Variants in EDNRB observed in about 807,000 individuals in gnomAD.
EDNRB encodes the protein Hirschsprung disease 2.
In EDNRB, 18 loss-of-function variants were observed where a neutral mutation model predicts 46.4. The observed-to-expected ratio is 0.39, with a 90% CI of 0.27 to 0.57. EDNRB has a LOEUF of 0.57. Ranked by LOEUF, EDNRB falls within the 20% of genes least tolerant of loss-of-function variation. The probability of loss-of-function intolerance (pLI) is 0.61; values close to 1 mark genes in which losing one functional copy is unlikely to be tolerated. For missense variants in EDNRB, 434 were observed against 537.5 expected (o/e 0.81, Z 1.90); for synonymous variants, 213 against 204.9 (o/e 1.04, Z -0.34).
chr13:77,908,764 C>T (rs556400507), intron 1 of EDNRB, among the ~76,000 whole-genome samples: 12 of 152,014 alleles, frequency 7.9e-5, no homozygotes, highest in Admixed American at 2.0e-4. Context: ...ACAATTCAAA[C>T]ATGTAATCAA....
At chr13:77,938,526 G>C (rs183040238) in intron 1 of EDNRB, among the ~76,000 whole-genome samples, 1 of 152,086 alleles carries the variant, frequency 6.6e-6, no homozygotes, top group East Asian at 1.9e-4. Flanking sequence ...GGTACTTGCC[G>C]CTAAGGGTGA....
intron 1 of EDNRB, among the ~76,000 whole-genome samples, chr13:77,925,233 A>G (rs536953885): frequency 1.9e-4 from 29 of 152,366 alleles, no homozygotes; most frequent in African/African-American, 6.7e-4. Flanking sequence ...AGGCTAAATT[A>G]TATTATTTTT....
chr13:77,930,418 T>G (rs144020378), intron 1 of EDNRB, among the ~76,000 whole-genome samples: 14 of 152,354 alleles, frequency 9.2e-5, no homozygotes, highest in African/African-American at 2.9e-4. Context: ...GGATAAGTGG[T>G]CTGTGATAGT....
chr13:77,898,635 A>T (rs948254907), intron 6 of EDNRB, among the ~76,000 whole-genome samples: 1 of 152,010 alleles, frequency 6.6e-6, no homozygotes, highest in Non-Finnish European at 1.5e-5. Context: ...CATATAATTC[A>T]AGACTTTTCC....
chr13:77,974,635 TG>T (rs1881832771), intron 1 of EDNRB, among the ~76,000 whole-genome samples: 1 of 132,950 alleles, frequency 7.5e-6, no homozygotes, highest in Admixed American at 7.7e-5. Context: ...TCTCTCTCTC[TG>T]CCTCTGCCAG....
chr13:77,905,209 G>C (rs977703624), intron 1 of EDNRB, among the ~76,000 whole-genome samples: 1 of 151,838 alleles, frequency 6.6e-6, no homozygotes, highest in East Asian at 1.9e-4. Flanking sequence ...GGGGTCTGGG[G>C]TAAACTTTGT....
chr13:77,900,560 A>G lies in EDNRB; in HGVS notation c.1046T>C (p.Leu349Pro). Reference sequence around the variant, plus strand: ...TCTATTGGGATCATTCTGATTATAAAGAGTGAGCTTCAGAATCCTGCTGAG... The same window carrying G: ...TCTATTGGGATCATTCTGATTATAAGGAGTGAGCTTCAGAATCCTGCTGAG... ...LHLSRILKLT[L>P]YNQNDPNRCE... The change falls in exon 5 of 7, where the codon CTT (leucine) becomes CCT (proline). Residue 349 changes from leucine to proline, a missense_variant. By Grantham distance (98) the Leu-to-Pro change is moderately conservative. Coordinates refer to ENST00000646607, the MANE Select transcript of EDNRB (RefSeq NM_001122659.3). The G allele has an allele frequency of 1.9e-6, 3 of 1,612,624 alleles. No individual in the cohort carries two copies. Among genetic ancestry groups the G allele is most frequent in the Non-Finnish European group, 2.5e-6 (3 of 1,179,096 alleles).
chr13:77,939,448 T>A (rs1880670936), intron 1 of EDNRB: 1 of 152,250 alleles, frequency 6.6e-6, no homozygotes, highest in African/African-American at 2.4e-5. Flanking sequence ...TTCTCTAATT[T>A]GAGTTTTAGT....
At chr13:77,968,669 G>C (rs1369470089) in intron 1 of EDNRB, among the ~76,000 whole-genome samples, 1 of 152,122 alleles carries the variant, frequency 6.6e-6, no homozygotes, top group Non-Finnish European at 1.5e-5. Flanking sequence ...CTACGGATGA[G>C]GGGTAGGTAA....
At chr13:77,953,409 C>T (rs1031582833) in intron 1 of EDNRB, among the ~76,000 whole-genome samples, 11 of 150,930 alleles carry the variant, frequency 7.3e-5, no homozygotes, top group Non-Finnish European at 1.3e-4. Flanking sequence ...TATTTGAAAT[C>T]GAAAAATAAA....
intron 1 of EDNRB, among the ~76,000 whole-genome samples, chr13:77,937,084 G>A (rs548157914): frequency 7.2e-5 from 11 of 152,280 alleles, no homozygotes; most frequent in South Asian, 2.1e-4. Context: ...AGAATAAGGC[G>A]GCCTTCTGGC....
Position 77,901,214 on chromosome 13 carries a change from G to A in EDNRB, c.802-7C>T, listed in dbSNP as rs760242225. ...CTTTTGCTGTCTTGTAAAACTATAG[G>A]GATGAGAGAATTTTTACGATTAATA... On this transcript the variant is annotated splice_region_variant and splice_polypyrimidine_tract_variant and intron_variant, in intron 3 of 6. Coordinates refer to ENST00000646607, the MANE Select transcript of EDNRB (RefSeq NM_001122659.3). 2 of 1,609,360 alleles carry A rather than the reference G, an allele frequency of 1.2e-6. No homozygotes were observed. Among genetic ancestry groups the A allele is most frequent in the African/African-American group, 1.3e-5 (1 of 74,616 alleles).
chr13:77,967,739 C>T (rs1881620903), intron 1 of EDNRB, among the ~76,000 whole-genome samples: 1 of 152,186 alleles, frequency 6.6e-6, no homozygotes, highest in African/African-American at 2.4e-5. Flanking sequence ...TATCAGTTGA[C>T]ACACTTTGTT....
At chr13:77,940,703 GT>G (rs1880720026) in intron 1 of EDNRB, among the ~76,000 whole-genome samples, 11 of 2,358 alleles carry the variant, frequency 4.7e-3, no homozygotes, top group Admixed American at 0.042. Context: ...TGAATTGGGT[GT>G]GTGTGTGTGT....
chr13:77,930,806 T>C (rs1195952658), intron 1 of EDNRB, among the ~76,000 whole-genome samples: 2 of 152,226 alleles, frequency 1.3e-5, no homozygotes, highest in Non-Finnish European at 2.9e-5. Context: ...GAGTTTTGGC[T>C]AAATGCATGC....
intron 1 of EDNRB, among the ~76,000 whole-genome samples, chr13:77,970,908 T>C (rs1594405101): frequency 6.6e-6 from 1 of 152,190 alleles, no homozygotes; most frequent in East Asian, 1.9e-4. Flanking sequence ...AAGTCCTTAC[T>C]GCACAAGTCC....
rs375286805 is a variant in EDNRB at position 77,896,500 on chromosome 13, T to C, written c.*1700A>G. 1.0e-5 allele frequency: 16 copies of C among 1,582,034 alleles called. No individual in the cohort carries two copies. In the African/African-American group the frequency reaches 1.9e-4, roughly 19 times the overall value. ...TGTTGGGTTTTGGTTTACTGTACCATCACATTCAATATTGACAGAAAACAA... is the reference window on the plus strand; with the variant it reads ...TGTTGGGTTTTGGTTTACTGTACCACCACATTCAATATTGACAGAAAACAA... On this transcript the variant is annotated 3_prime_UTR_variant, in exon 7 of 7. Coordinates refer to ENST00000646607, the MANE Select transcript of EDNRB (RefSeq NM_001122659.3).
At chr13:77,909,650 TACA>T (rs1302222215) in intron 1 of EDNRB, among the ~76,000 whole-genome samples, 1 of 152,078 alleles carries the variant, frequency 6.6e-6, no homozygotes, top group African/African-American at 2.4e-5. Context: ...CAGAATATTC[TACA>T]ACATTTATAA....
intron 1 of EDNRB, among the ~76,000 whole-genome samples, chr13:77,946,501 C>T (rs895615841): frequency 6.6e-6 from 1 of 152,152 alleles, no homozygotes; most frequent in Middle Eastern, 3.4e-3. Context: ...GCCTTACTAC[C>T]CAGTTGTTTT....
Sources: allele counts gnomAD v4.1 joint callset (sites outside exome capture counted in the v4.1 genomes callset), GRCh38; gene constraint gnomAD v4.1.1; transcripts MANE v1.5; gene names NCBI Gene and HGNC (gene_info 2026-07-23, HGNC 2026-07-21).